The following PDIA5 variants were observed in gnomAD, a reference collection of about 807,000 sequenced individuals.
PDIA5 encodes the protein protein disulfide isomerase family A member 5.
A neutral mutation model predicts 77.6 loss-of-function variants in PDIA5; 58 were observed. The ratio of observed to expected loss-of-function variants is 0.75; its 90% CI spans 0.61 to 0.93. PDIA5 has a LOEUF of 0.93. Among genes scored for constraint, PDIA5 ranks in the 40% least tolerant of loss-of-function variants. The pLI, the probability that PDIA5 is intolerant of heterozygous loss-of-function variation, is 0.00. For synonymous variants in PDIA5, 250 were observed against 252.1 expected, an observed-to-expected ratio of 0.99 and a Z score of 0.08; for missense variants, 630 against 647.7, an observed-to-expected ratio of 0.97 and a Z score of 0.30.
chr3:123,125,534 C>T (rs1176154945), intron 10 of PDIA5, among the ~76,000 whole-genome samples: 2 of 152,098 alleles, frequency 1.3e-5, no homozygotes, highest in South Asian at 2.1e-4. Flanking sequence ...GCACAGTGGA[C>T]ATTTATTGAC....
Position 123,125,002 on chromosome 3 carries a change from G to T in PDIA5, c.773+659G>T, listed in dbSNP as rs1935209048. 1.3e-5 allele frequency among the ~76,000 whole-genome samples: 2 copies of T among 152,138 alleles called. 1 individual carries two copies. The highest frequency in any genetic ancestry group is 4.1e-4 in the South Asian group (2 of 4,828). ...TTGTAATGCCAAACCCCACCACCCT[G>T]TTGGCTCCTGCCTCCTTACCTGGAG... On this transcript the variant is annotated intron_variant, in intron 10 of 16. Transcript: ENST00000316218.
intron 1 of PDIA5, among the ~76,000 whole-genome samples, chr3:123,088,278 C>T (rs1252516140): frequency 6.6e-6 from 1 of 152,050 alleles, no homozygotes; most frequent in Non-Finnish European, 1.5e-5. Flanking sequence ...GCCCACCCTT[C>T]ATTGTGCCTG....
intron 11 of PDIA5, among the ~76,000 whole-genome samples, chr3:123,142,490 C>T (rs1249186346): frequency 6.6e-6 from 1 of 152,214 alleles, no homozygotes; most frequent in African/African-American, 2.4e-5. Context: ...ATAATGATGA[C>T]CTTGATACCT....
rs1224242797 is a variant in PDIA5, at chr3:123,106,816, A to T, written c.455A>T (p.Asp152Val). The stretch of plus-strand genomic sequence containing the variant: ...TGGGAGGAAGATCCTGGAGCCAAAG[A>T]TGTTGTCCACCTTGACAGTGAAAAG... ...PLWEEDPGAK[D>V]VVHLDSEKDF... The change falls in exon 6 of 17, where the codon GAT becomes GTT. Residue 152 changes from aspartate to valine, a missense_variant. Coordinates refer to ENST00000316218, the MANE Select transcript of PDIA5 (RefSeq NM_006810.4). The T allele has an allele frequency of 1.2e-6, 2 of 1,612,036 alleles. No homozygotes were observed. Among genetic ancestry groups the T allele is most frequent in the Non-Finnish European group, 1.7e-6 (2 of 1,179,104 alleles).
chr3:123,107,500 G>A (rs1218894242), intron 6 of PDIA5, among the ~76,000 whole-genome samples: 1 of 152,078 alleles, frequency 6.6e-6, no homozygotes, highest in East Asian at 1.9e-4. Context: ...GGGTAGCCTG[G>A]TCAACATAGT....
intron 8 of PDIA5, among the ~76,000 whole-genome samples, chr3:123,119,116 A>G (rs938154723): frequency 2.0e-5 from 3 of 152,068 alleles, no homozygotes; most frequent in Admixed American, 6.5e-5. Context: ...GCTGGGTGCA[A>G]TGGCATACAC....
intron 5 of PDIA5, among the ~76,000 whole-genome samples, chr3:123,106,422 G>A (rs1934734088): frequency 6.6e-6 from 1 of 152,210 alleles, no homozygotes; most frequent in South Asian, 2.1e-4. Context: ...TCTCTGGTTT[G>A]AATAAGCCAA....
chr3:123,107,412 G>A (rs781608590), intron 6 of PDIA5, among the ~76,000 whole-genome samples: 19 of 152,254 alleles, frequency 1.2e-4, no homozygotes, highest in Non-Finnish European at 2.2e-4. Context: ...ATGACAGGCC[G>A]GTTGTGGTAG....
At chr3:123,071,493 T>A (rs1393026951) in intron 1 of PDIA5, among the ~76,000 whole-genome samples, 1 of 152,216 alleles carries the variant, frequency 6.6e-6, no homozygotes, top group Non-Finnish European at 1.5e-5. Context: ...ATTATATATT[T>A]AATAGGCTTT....
intron 3 of PDIA5, 42 bp downstream of exon 3, chr3:123,092,484 G>A: frequency 7.3e-7 from 1 of 1,370,938 alleles, no homozygotes; most frequent in Non-Finnish European, 1.0e-6. Flanking sequence ...GCTGGGCAGA[G>A]GGGCACTTGG....
At chr3:123,077,678 G>GA (rs1933890626) in intron 1 of PDIA5, among the ~76,000 whole-genome samples, 2 of 152,124 alleles carry the variant, frequency 1.3e-5, no homozygotes, top group African/African-American at 4.8e-5. Context: ...TCGGTAGTGA[G>GA]ATCCCCAAGC....
intron 2 of PDIA5, among the ~76,000 whole-genome samples, chr3:123,090,808 T>C (rs1934265526): frequency 6.6e-6 from 1 of 152,132 alleles, no homozygotes; most frequent in African/African-American, 2.4e-5. Context: ...CTTGAGCCAT[T>C]GAGAGTAGAG....
In PDIA5 at chr3:123,162,097, AC is replaced by A; in HGVS notation, c.*139del. 1.5e-6 allele frequency: 1 copy of A among 660,326 alleles called. No homozygotes were observed. Among genetic ancestry groups the A allele is most frequent in the Non-Finnish European group, 2.7e-6 (1 of 366,660 alleles). The allele number at this position is 660,326 out of a possible 1,614,324, so 40.9% of individuals were successfully genotyped here. ...TTGTACAATTTTGAAATAAAATTAA[AC>A]CATTTATTTGGTGGTATGGTTTATT... On this transcript the variant is annotated 3_prime_UTR_variant, in exon 17 of 17. Transcript: ENST00000316218.
Position 123,124,098 on chromosome 3 carries a change from A to T in PDIA5, c.642A>T (p.Glu214Asp). 6.2e-7 allele frequency: 1 copy of T among 1,614,100 alleles called. No individual in the cohort carries two copies. Among genetic ancestry groups the T allele is most frequent in the African/African-American group, 1.3e-5 (1 of 75,036 alleles). The change falls in exon 9 of 17, where the codon GAA (glutamate) becomes GAT (aspartate). Residue 214 changes from glutamate to aspartate, a missense_variant. By Grantham distance (45) the Glu-to-Asp change is conservative (BLOSUM62 2). Coordinates refer to ENST00000316218, the MANE Select transcript of PDIA5 (RefSeq NM_006810.4). ...CCGGGATGAATGTCTACTCCTCTGA[A>T]TTTGAAAACATCAAGGAGGAGTACA... ...VLAGMNVYSSEFENIKEEYSV... is the reference protein window; with the variant it reads ...VLAGMNVYSSDFENIKEEYSV...
chr3:123,133,903 A>G (rs1348200558), intron 11 of PDIA5, among the ~76,000 whole-genome samples: 4 of 152,224 alleles, frequency 2.6e-5, no homozygotes. Flanking sequence ...ATAGAGAAGA[A>G]AATTAAAATG....
chr3:123,104,613 G>T (rs1253089530), intron 5 of PDIA5, among the ~76,000 whole-genome samples: 1 of 152,232 alleles, frequency 6.6e-6, no homozygotes, highest in East Asian at 1.9e-4. Flanking sequence ...TCTCCCCACT[G>T]GCAAAGAATA....
chr3:123,113,983 A>G lies in PDIA5; in HGVS notation c.542-2248A>G, dbSNP rs183554719. 9.5e-4 allele frequency among the ~76,000 whole-genome samples: 145 copies of G among 152,304 alleles called. 1 individual carries two copies. The highest frequency in any genetic ancestry group is 3.1e-3 in the African/African-American group (129 of 41,564). The stretch of plus-strand genomic sequence containing the variant: ...ACTCAGGAAGCACAGGGCCAGCCCT[A>G]TTTTTGGTAAAGTTAAATTGGAAAC... On this transcript the variant is annotated intron_variant, in intron 7 of 16. Transcript: ENST00000316218.
intron 3 of PDIA5, among the ~76,000 whole-genome samples, chr3:123,097,282 C>T (rs1274049339): frequency 1.3e-5 from 2 of 152,140 alleles, no homozygotes; most frequent in Non-Finnish European, 2.9e-5. Context: ...CACCACCATG[C>T]ACTTGTTGGA....
At chr3:123,149,287 C>T (rs1935832272) in intron 13 of PDIA5, among the ~76,000 whole-genome samples, 1 of 152,178 alleles carries the variant, frequency 6.6e-6, no homozygotes, top group Non-Finnish European at 1.5e-5. Flanking sequence ...AAGTTCTTCT[C>T]AGCCATGGAA....
Sources: gnomAD v4.1 joint callset for allele counts (sites outside exome capture counted in the v4.1 genomes callset) on GRCh38, gnomAD v4.1.1 for gene constraint, MANE v1.5 for transcripts, NCBI Gene and HGNC (gene_info 2026-07-23, HGNC 2026-07-21) for gene names.